AMPH: variants seen among roughly 807,000 people sequenced by gnomAD.
The protein encoded by AMPH is amphiphysin (Stiff-Mann syndrome with breast cancer 128kD autoantigen).
Under a neutral mutation model 99.1 loss-of-function variants are expected in AMPH, and 49 were observed. The observed-to-expected ratio is 0.49, with a 90% CI of 0.39 to 0.63. The LOEUF is 0.63. Ranked by LOEUF, AMPH falls within the 20% of genes least tolerant of loss-of-function variation. The pLI is 0.00. For missense variants in AMPH, 759 were observed against 863.4 expected, an observed-to-expected ratio of 0.88 and a Z score of 1.52; for synonymous variants, 314 against 317.3, an observed-to-expected ratio of 0.99 and a Z score of 0.11.
At chr7:38,577,446 G>C (rs1206261411) in intron 1 of AMPH, among the ~76,000 whole-genome samples, 1 of 152,186 alleles carries the variant, frequency 6.6e-6, no homozygotes, top group Non-Finnish European at 1.5e-5. Flanking sequence ...TACCATTGTG[G>C]TTTAGATTCT....
intron 1 of AMPH, among the ~76,000 whole-genome samples, chr7:38,545,547 C>T (rs904274983): frequency 6.6e-6 from 1 of 152,180 alleles, no homozygotes; most frequent in African/African-American, 2.4e-5. Context: ...AGGAGGGCCA[C>T]CCATCCTCTT....
At chr7:38,417,463 G>T (rs1471133475) in intron 17 of AMPH, among the ~76,000 whole-genome samples, 1 of 152,150 alleles carries the variant, frequency 6.6e-6, no homozygotes, top group Non-Finnish European at 1.5e-5. Flanking sequence ...TACACACAAT[G>T]AACAAAGTTA....
intron 2 of AMPH, among the ~76,000 whole-genome samples, chr7:38,523,024 C>T (rs542850484): frequency 6.6e-6 from 1 of 151,580 alleles, no homozygotes; most frequent in South Asian, 2.1e-4. Context: ...AGGAGAATCG[C>T]TTGAAACCAG....
chr7:38,575,351 T>A (rs1247689882), intron 1 of AMPH, among the ~76,000 whole-genome samples: 1 of 152,206 alleles, frequency 6.6e-6, no homozygotes, highest in Non-Finnish European at 1.5e-5. Context: ...ATGAGCATTA[T>A]ATTGTCAAAG....
At chr7:38,478,373 G>C (rs1788165139) in intron 5 of AMPH, among the ~76,000 whole-genome samples, 1 of 152,128 alleles carries the variant, frequency 6.6e-6, no homozygotes, top group Non-Finnish European at 1.5e-5. Flanking sequence ...AATTCTGGAG[G>C]AATTTGAAAG....
At chr7:38,392,142 C>G (rs577987341) in intron 18 of AMPH, 125 bp from the exon 19 acceptor site, 1 of 960,616 alleles carries the variant, frequency 1.0e-6, no homozygotes, top group Non-Finnish European at 1.5e-6. Flanking sequence ...TCCCCACTAG[C>G]CAGACTCAGG....
intron 1 of AMPH, among the ~76,000 whole-genome samples, chr7:38,607,443 C>T (rs1793472422): frequency 6.6e-6 from 1 of 152,130 alleles, no homozygotes; most frequent in Non-Finnish European, 1.5e-5. Context: ...ATGTATAATA[C>T]ATTTTGAATG....
intron 16 of AMPH, among the ~76,000 whole-genome samples, chr7:38,422,030 G>A (rs565059588): frequency 6.6e-6 from 1 of 152,332 alleles, no homozygotes; most frequent in South Asian, 2.1e-4. Flanking sequence ...GGAGGGATGA[G>A]ATGATAAATG....
intron 12 of AMPH, among the ~76,000 whole-genome samples, chr7:38,432,957 G>A (rs1393903026): frequency 6.6e-6 from 1 of 152,176 alleles, no homozygotes; most frequent in Non-Finnish European, 1.5e-5. Flanking sequence ...TCCACTATGG[G>A]TGAGGGGAGC....
At chr7:38,557,636 T>C (rs1022294575) in intron 1 of AMPH, among the ~76,000 whole-genome samples, 3 of 152,198 alleles carry the variant, frequency 2.0e-5, no homozygotes, top group East Asian at 1.9e-4. Flanking sequence ...GTCTCTGGTA[T>C]GTCTTTATTA....
At chr7:38,460,816 C>A (rs996636761) in intron 11 of AMPH, among the ~76,000 whole-genome samples, 4 of 152,158 alleles carry the variant, frequency 2.6e-5, no homozygotes, top group African/African-American at 9.6e-5. Flanking sequence ...CTGTAGTCAG[C>A]AACACTGTAT....
At chr7:38,464,497 T>C (rs955803253) in intron 9 of AMPH, among the ~76,000 whole-genome samples, 1 of 152,104 alleles carries the variant, frequency 6.6e-6, no homozygotes, top group Non-Finnish European at 1.5e-5. Context: ...AAATTAACAA[T>C]CTCTAGAGGG....
chr7:38,551,291 C>T (rs2129046071), intron 1 of AMPH, among the ~76,000 whole-genome samples: 1 of 152,262 alleles, frequency 6.6e-6, no homozygotes, highest in South Asian at 2.1e-4. Context: ...TCACTTCTTC[C>T]TCCAAAACCT....
chr7:38,571,657 CTGT>C (rs1445786725), intron 1 of AMPH, among the ~76,000 whole-genome samples: 1 of 145,294 alleles, frequency 6.9e-6, no homozygotes, highest in Admixed American at 7.1e-5. Flanking sequence ...TTGTTTGGAG[CTGT>C]TATTACAAAA....
At chr7:38,505,981 G>A (rs1314762749) in intron 2 of AMPH, among the ~76,000 whole-genome samples, 1 of 152,174 alleles carries the variant, frequency 6.6e-6, no homozygotes, top group Non-Finnish European at 1.5e-5. Flanking sequence ...CTGTAGGACT[G>A]TAGACAATGA....
chr7:38,489,482 T>C (rs73120292), intron 5 of AMPH, among the ~76,000 whole-genome samples: 8,135 of 151,998 alleles, frequency 0.054, 313 homozygotes, highest in Middle Eastern at 0.082. Context: ...TTCTTGGACT[T>C]GACACCAAAA....
At position 38,429,263 on chromosome 7, in the gene AMPH, G is replaced by A. The variant is rs750876847; in HGVS notation, c.1182+579C>T. ...CTCCAGCCTCCGGCGCAGGCTTTGG[G>A]GGCAGTTGTTCATTTCCACCTGGAA... is the stretch of plus-strand genomic sequence containing the variant. On this transcript the variant is annotated intron_variant, in intron 14 of 20. Coordinates refer to ENST00000356264, the MANE Select transcript of AMPH (RefSeq NM_001635.4). 3.1e-6 allele frequency: 4 copies of A among 1,286,278 alleles called. No individual in the cohort carries two copies. The African/African-American group carries it at 6.1e-5, about 20-fold the overall frequency. The allele number at this position is 1,286,278 out of a possible 1,614,324, so 79.7% of individuals were successfully genotyped here.
At chr7:38,416,595 T>A (rs924034197) in intron 17 of AMPH, among the ~76,000 whole-genome samples, 1 of 152,214 alleles carries the variant, frequency 6.6e-6, no homozygotes. Flanking sequence ...AAATAAATTA[T>A]CTTCTTAATT....
intron 5 of AMPH, among the ~76,000 whole-genome samples, chr7:38,478,820 G>A (rs186980438): frequency 1.2e-4 from 19 of 152,236 alleles, no homozygotes; most frequent in Admixed American, 3.9e-4. Flanking sequence ...AATGTTATCA[G>A]AGAGGAAAAA....
Sources: allele counts gnomAD v4.1 joint callset (sites outside exome capture counted in the v4.1 genomes callset), GRCh38; gene constraint gnomAD v4.1.1; transcripts MANE v1.5; gene names NCBI Gene and HGNC (gene_info 2026-07-23, HGNC 2026-07-21).